Variants in TRPM3 observed in about 807,000 individuals in gnomAD.
TRPM3 encodes transient receptor potential cation channel subfamily M member 3.
Under a neutral mutation model 181.2 loss-of-function variants are expected in TRPM3, and 77 were observed. The observed-to-expected ratio is 0.42, with a 90% CI of 0.35 to 0.51. The LOEUF is 0.51. Ranked by LOEUF, TRPM3 falls within the 20% of genes least tolerant of loss-of-function variation. The probability of loss-of-function intolerance (pLI) is 0.01; values close to 1 mark genes in which losing one functional copy is unlikely to be tolerated. For synonymous variants in TRPM3, 745 were observed against 796.4 expected, an observed-to-expected ratio of 0.94 and a Z score of 1.09; for missense variants, 1,759 against 2,196.7, an observed-to-expected ratio of 0.80 and a Z score of 3.98.
Position 70,536,932 on chromosome 9 carries a change from G to T in TRPM3, c.4181C>A (p.Ala1394Asp). ...AACAATGGCCAAGGTGTTGGCAGGG[G>T]CTGCAGGAGCTTTGGGTTCTTTTGC... ...SVAKEPKAPAAPANTLAIVPD... is the reference protein window; with the variant it reads ...SVAKEPKAPADPANTLAIVPD... Residue 1394 changes from alanine (A) to aspartate (D), a missense_variant, in exon 26 of 26, where the codon GCC (alanine) becomes GAC (aspartate). By Grantham distance (126) the Ala-to-Asp change is moderately radical. Around this residue, in one of 8 missense-constraint regions of TRPM3, gnomAD observed 612 missense variants for 590.0 expected, o/e 1.04. Transcript: ENST00000677713. 1 of 1,614,226 alleles carries T rather than the reference G, an allele frequency of 6.2e-7. No homozygotes were observed. The highest frequency in any genetic ancestry group is 8.5e-7 in the Non-Finnish European group (1 of 1,180,036).
chr9:71,235,481 T>G (rs1002891403), intron 1 of TRPM3, among the ~76,000 whole-genome samples: 1 of 152,254 alleles, frequency 6.6e-6, no homozygotes, highest in Non-Finnish European at 1.5e-5. Flanking sequence ...TCAATATATT[T>G]ATTTATTGAA....
chr9:70,976,559 G>T (rs2097304812), intron 1 of TRPM3, among the ~76,000 whole-genome samples: 2 of 152,188 alleles, frequency 1.3e-5, no homozygotes, highest in African/African-American at 4.8e-5. Flanking sequence ...AAATTTTTAT[G>T]TACACTACAA....
At chr9:70,859,506 T>G (rs934099812) in intron 3 of TRPM3, among the ~76,000 whole-genome samples, 2 of 152,306 alleles carry the variant, frequency 1.3e-5, no homozygotes, top group South Asian at 2.1e-4. Flanking sequence ...AAACAAGGTA[T>G]CATAGTTAAG....
At chr9:71,410,662 CA>C (rs2093529803) in intron 1 of TRPM3, among the ~76,000 whole-genome samples, 1 of 152,164 alleles carries the variant, frequency 6.6e-6, no homozygotes, top group South Asian at 2.1e-4. Flanking sequence ...GATTCACAGC[CA>C]AATTCTACCA....
At chr9:71,172,927 C>A (rs1426625426) in intron 1 of TRPM3, among the ~76,000 whole-genome samples, 1 of 152,142 alleles carries the variant, frequency 6.6e-6, no homozygotes, top group Non-Finnish European at 1.5e-5. Context: ...AATGCAGAGG[C>A]ATCTTGTAAC....
chr9:70,628,844 T>TAAAAAAAAAA (rs1269866515), intron 12 of TRPM3, among the ~76,000 whole-genome samples: 2 of 113,736 alleles, frequency 1.8e-5, no homozygotes, highest in African/African-American at 6.4e-5. Flanking sequence ...AAAAAAAAAT[T>TAAAAAAAAAA]AAAATGTGGG....
At chr9:71,439,721 A>C (rs959676745) in intron 1 of TRPM3, among the ~76,000 whole-genome samples, 2 of 152,180 alleles carry the variant, frequency 1.3e-5, no homozygotes, top group Non-Finnish European at 2.9e-5. Context: ...AAAGATGGCA[A>C]ATTGTTCATC....
chr9:70,595,621 T>A (rs1227558837), intron 21 of TRPM3, among the ~76,000 whole-genome samples: 2 of 152,206 alleles, frequency 1.3e-5, no homozygotes, highest in Non-Finnish European at 2.9e-5. Context: ...GAGAATCTCA[T>A]GAAAGCTTGT....
intron 1 of TRPM3, among the ~76,000 whole-genome samples, chr9:70,892,688 C>A (rs1040327434): frequency 6.6e-5 from 10 of 150,938 alleles, no homozygotes; most frequent in Admixed American, 1.3e-4. Context: ...AAGACCAGTT[C>A]TAAATAAATA....
chr9:71,373,143 T>G (rs113736692), intron 1 of TRPM3, among the ~76,000 whole-genome samples: 3 of 152,258 alleles, frequency 2.0e-5, no homozygotes, highest in African/African-American at 7.2e-5. Flanking sequence ...GGGAAATTTA[T>G]AGCACTACAT....
chr9:70,861,319 T>C (rs2095514101), intron 3 of TRPM3, among the ~76,000 whole-genome samples: 1 of 152,170 alleles, frequency 6.6e-6, no homozygotes, highest in Non-Finnish European at 1.5e-5. Context: ...GGCAGCATCA[T>C]GGTCATCAGA....
intron 1 of TRPM3, among the ~76,000 whole-genome samples, chr9:71,443,477 G>A (rs2094161611): frequency 6.6e-6 from 1 of 152,092 alleles, no homozygotes; most frequent in Non-Finnish European, 1.5e-5. Context: ...TATTGCACAG[G>A]GCAGCACTGC....
At chr9:71,361,570 G>T (rs188656845) in intron 1 of TRPM3, among the ~76,000 whole-genome samples, 44 of 152,306 alleles carry the variant, frequency 2.9e-4, no homozygotes, top group African/African-American at 1.0e-3. Flanking sequence ...GGTATGTCAA[G>T]CTGGCTGGAG....
intron 8 of TRPM3, 100 bp from the exon 9 acceptor site, chr9:70,681,678 C>G (rs1035420332): frequency 1.0e-6 from 1 of 1,002,280 alleles, no homozygotes; most frequent in African/African-American, 1.6e-5. Context: ...TCTATATCTA[C>G]AAAGTAGATT....
Position 70,639,093 on chromosome 9 carries a change from G to A in TRPM3, c.1548C>T (p.Leu516=), listed in dbSNP as rs1488010296. 6.2e-7 allele frequency: 1 copy of A among 1,613,874 alleles called. No individual in the cohort carries two copies. The highest frequency in any genetic ancestry group is 8.5e-7 in the Non-Finnish European group (1 of 1,179,928). The part of the protein sequence containing the change: ...IENGVSMHRF[L]TISRLEELYN... ...ACAATTCCTCTAGTCTGGAGATGGT[G>A]AGAAAACGGTGCATGCTTACTCCAT... The change falls in exon 11 of 26, where the codon CTC becomes CTT. Residue 516 remains leucine (L), a synonymous_variant. Coordinates refer to ENST00000677713, the MANE Select transcript of TRPM3 (RefSeq NM_001366145.2).
chr9:71,162,199 C>CAAAAAAAAAAAAAAAAAAAAAA (rs35947110), intron 1 of TRPM3, among the ~76,000 whole-genome samples: 5 of 74,400 alleles, frequency 6.7e-5, no homozygotes, highest in Non-Finnish European at 9.8e-5. Context: ...GACTCTGTCT[C>CAAAAAAAAAAAAAAAAAAAAAA]AAAAAAAAAA....
At chr9:71,001,275 A>G (rs2097597414) in intron 1 of TRPM3, among the ~76,000 whole-genome samples, 1 of 152,204 alleles carries the variant, frequency 6.6e-6, no homozygotes, top group South Asian at 2.1e-4. Flanking sequence ...TCATGTCTAT[A>G]ACCAATTCAG....
intron 1 of TRPM3, among the ~76,000 whole-genome samples, chr9:71,374,396 A>T (rs1198875549): frequency 6.6e-6 from 1 of 152,054 alleles, no homozygotes; most frequent in East Asian, 1.9e-4. Flanking sequence ...AACAAACAAA[A>T]AACAAAACAA....
chr9:70,744,784 T>C (rs2074844545), intron 8 of TRPM3, among the ~76,000 whole-genome samples: 1 of 152,186 alleles, frequency 6.6e-6, no homozygotes, highest in African/African-American at 2.4e-5. Context: ...CAGATTGTTC[T>C]GGGAATAAAG....
Sources: gnomAD v4.1 joint callset for allele counts (sites outside exome capture counted in the v4.1 genomes callset) on GRCh38, gnomAD v4.1.1 for gene constraint, gnomAD v4.1.1 regional missense constraint, MANE v1.5 for transcripts, NCBI Gene and HGNC (gene_info 2026-07-23, HGNC 2026-07-21) for gene names.